SULT1B1: variants seen among roughly 807,000 people sequenced by gnomAD.
SULT1B1 encodes sulfotransferase family 1B member 1.
SULT1B1 carries 28 observed loss-of-function variants against 34.6 expected under a neutral mutation model. The observed-to-expected ratio is 0.81, with a 90% confidence interval of 0.60 to 1.11. SULT1B1 has a LOEUF of 1.11. Ranked by LOEUF, SULT1B1 falls within the 50% of genes least tolerant of loss-of-function variation. SULT1B1 has a pLI of 0.00. For synonymous variants in SULT1B1, 147 were observed against 110.2 expected (o/e 1.33, Z -2.09); for missense variants, 374 against 352.2 (o/e 1.06, Z -0.50).
At position 69,725,659 on chromosome 4, in the gene SULT1B1, G is replaced by A. The variant is rs939367043; in HGVS notation, c.*1429C>T. On this transcript the variant is annotated 3_prime_UTR_variant, in exon 8 of 8. Coordinates refer to ENST00000310613, the MANE Select transcript of SULT1B1 (RefSeq NM_014465.4). ...ATGATAGACTGGATTAAGAAAATGT[G>A]GCACATATACACCATAGAATACTGT... 1 of 151,982 alleles carries A rather than the reference G, an allele frequency of 6.6e-6. No homozygotes were observed. Among genetic ancestry groups the A allele is most frequent in the African/African-American group, 2.4e-5 (1 of 41,374 alleles). The allele number at this position is 151,982 out of a possible 1,614,324, so 9.4% of individuals were successfully genotyped here.
intron 1 of SULT1B1, chr4:69,758,443 C>A: frequency 1.0e-6 from 1 of 985,234 alleles, no homozygotes; most frequent in Non-Finnish European, 1.2e-6. Context: ...CTTTCTGAAA[C>A]ATTTTATTTT....
intron 4 of SULT1B1, among the ~76,000 whole-genome samples, chr4:69,738,175 G>T (rs144847815): frequency 3.1e-4 from 47 of 152,276 alleles, no homozygotes; most frequent in African/African-American, 9.4e-4. Context: ...CATCCATGTT[G>T]CTGCAGAAAA....
At chr4:69,728,050 T>C (rs547301165) in intron 7 of SULT1B1, among the ~76,000 whole-genome samples, 1 of 152,176 alleles carries the variant, frequency 6.6e-6, no homozygotes, top group Admixed American at 6.6e-5. Flanking sequence ...CTTTTTTCCC[T>C]AGTTGTTACA....
intron 3 of SULT1B1, 45 bp downstream of exon 3, chr4:69,754,625 C>G: frequency 6.3e-7 from 1 of 1,590,560 alleles, no homozygotes. Context: ...CATATGCTGT[C>G]TAAATAATAT....
chr4:69,729,289 A>G (rs115961381), intron 7 of SULT1B1, among the ~76,000 whole-genome samples: 1,787 of 152,146 alleles, frequency 0.012, 40 homozygotes, highest in African/African-American at 0.041. Flanking sequence ...GCAATAAAAA[A>G]TACAGTATTT....
rs139281451 is a variant in SULT1B1 at position 69,727,270 on chromosome 4, G to A, written c.779-70C>T. On this transcript the variant is annotated intron_variant, in intron 7 of 7. Transcript: ENST00000310613. ...TAAGAAGAAATCAGTATATACCAAA[G>A]GAAAAGATTAGAAGGCCTAAAGAAA... is the stretch of plus-strand genomic sequence containing the variant. The A allele has an allele frequency of 5.2e-4, 623 of 1,206,220 alleles. 7 individuals are homozygous for A. The African/African-American group carries it at 8.5e-3, about 16-fold the overall frequency. The allele number at this position is 1,206,220 out of a possible 1,614,324, so 74.7% of individuals were successfully genotyped here.
rs1560516076 is a variant in SULT1B1, at chr4:69,722,248, G to A, written c.*4840C>T. The A allele has an allele frequency of 6.6e-6, 1 of 152,046 alleles. No individual in the cohort carries two copies. The highest frequency in any genetic ancestry group is 1.5e-5 in the Non-Finnish European group (1 of 67,982). The allele number at this position is 152,046 out of a possible 1,614,324, so 9.4% of individuals were successfully genotyped here. A position where few individuals can be genotyped will look rare whatever the true frequency, so the allele number is the denominator to read the frequency against. On this transcript the variant is annotated 3_prime_UTR_variant, in exon 8 of 8. Coordinates refer to ENST00000310613, the MANE Select transcript of SULT1B1 (RefSeq NM_014465.4). Reference sequence around the variant, plus strand: ...TTTCGTTGAATACAGTCCAATTACAGAGAGTTATTTCTACAAAGTAAAACT... The same window carrying A: ...TTTCGTTGAATACAGTCCAATTACAAAGAGTTATTTCTACAAAGTAAAACT...
chr4:69,751,608 C>T (rs1418920912), intron 3 of SULT1B1, among the ~76,000 whole-genome samples: 2 of 152,184 alleles, frequency 1.3e-5, no homozygotes, highest in East Asian at 1.9e-4. Context: ...CCCGCCACCA[C>T]GCCCGGCTAA....
intron 6 of SULT1B1, 56 bp downstream of exon 6, chr4:69,733,357 C>A: frequency 1.5e-6 from 2 of 1,292,232 alleles, no homozygotes; most frequent in Non-Finnish European, 2.2e-6. Flanking sequence ...AATATCAACC[C>A]TTTTACAGCA....
At chr4:69,729,666 C>G (rs1231339754) in intron 7 of SULT1B1, among the ~76,000 whole-genome samples, 1 of 152,048 alleles carries the variant, frequency 6.6e-6, no homozygotes, top group Non-Finnish European at 1.5e-5. Flanking sequence ...AATCATATTA[C>G]TCAAAATTGG....
intron 5 of SULT1B1, among the ~76,000 whole-genome samples, chr4:69,733,752 C>T (rs1046739246): frequency 6.6e-6 from 1 of 152,068 alleles, no homozygotes; most frequent in African/African-American, 2.4e-5. Context: ...TATACTTAGT[C>T]TCATAAAGAA....
Position 69,722,546 on chromosome 4 carries a change from A to G in SULT1B1, c.*4542T>C, listed in dbSNP as rs996916041. 6.6e-6 allele frequency: 1 copy of G among 152,170 alleles called. No individual in the cohort carries two copies. The highest frequency in any genetic ancestry group is 2.4e-5 in the African/African-American group (1 of 41,440). The allele number at this position is 152,170 out of a possible 1,614,324, so 9.4% of individuals were successfully genotyped here. On this transcript the variant is annotated 3_prime_UTR_variant, in exon 8 of 8. Coordinates refer to ENST00000310613, the MANE Select transcript of SULT1B1 (RefSeq NM_014465.4). ...GATAGTCAAGATTAACTCCTATAAA[A>G]TATGTTTCTGTGGAACATAAACACA...
rs376144206 is a variant in SULT1B1 at position 69,752,918 on chromosome 4, C to T, written c.277+1752G>A. Among the ~76,000 whole-genome samples, 60 of 152,312 alleles carry T rather than the reference C, an allele frequency of 3.9e-4. No homozygotes were observed. The South Asian group carries it at 0.012, about 31-fold the overall frequency. ...ACAGAACACCATACTCTTGCATTCC[C>T]TGTTAGCTCATTTTTTTTCAGTTTC... On this transcript the variant is annotated intron_variant, in intron 3 of 7. Coordinates refer to ENST00000310613, the MANE Select transcript of SULT1B1 (RefSeq NM_014465.4).
In SULT1B1 at chr4:69,726,030, GTACATATATATATATATATATATATATA is replaced by G. The variant is rs1397680858; in HGVS notation, c.*1030_*1057del. 2 of 42,032 alleles carry G rather than the reference GTACATATATATATATATATATATATATA, an allele frequency of 4.8e-5. No homozygotes were observed. The highest frequency in any genetic ancestry group is 6.8e-4 in the Admixed American group (2 of 2,924). 2.6% of individuals were successfully genotyped at this position (42,032 alleles called of 1,614,324 possible). A position where few individuals can be genotyped will look rare whatever the true frequency, so the allele number is the denominator to read the frequency against. On this transcript the variant is annotated 3_prime_UTR_variant, in exon 8 of 8. Coordinates refer to ENST00000310613, the MANE Select transcript of SULT1B1 (RefSeq NM_014465.4). Reference sequence around the variant, plus strand: ...GGAACTTAAAGTATAATAATAAAATGTACATATATATATATATATATATATATATATATATATATATATATATATATAA... The same window carrying G: ...GGAACTTAAAGTATAATAATAAAATGTATATATATATATATATATATATAA...
At chr4:69,757,205 C>T (rs543710785) in intron 1 of SULT1B1, among the ~76,000 whole-genome samples, 14 of 151,960 alleles carry the variant, frequency 9.2e-5, no homozygotes, top group East Asian at 3.9e-4. Context: ...CCTTCATAAT[C>T]GATGTTCCAT....
chr4:69,734,344 T>TA, intron 4 of SULT1B1, 80 bp from the exon 5 acceptor site: 1 of 1,461,710 alleles, frequency 6.8e-7, no homozygotes, highest in Non-Finnish European at 9.2e-7. Flanking sequence ...TATACGCATG[T>TA]AAAAAAGCAG....
At chr4:69,747,684 A>G (rs904739844) in intron 4 of SULT1B1, among the ~76,000 whole-genome samples, 2 of 152,142 alleles carry the variant, frequency 1.3e-5, no homozygotes, top group African/African-American at 4.8e-5. Context: ...GTCTCTGCCA[A>G]TTCTCTGGGA....
At position 69,726,029 on chromosome 4, in the gene SULT1B1, T is replaced by C. The variant is rs1284969996; in HGVS notation, c.*1059A>G. ...TGGAACTTAAAGTATAATAATAAAATGTACATATATATATATATATATATA... is the reference window on the plus strand; with the variant it reads ...TGGAACTTAAAGTATAATAATAAAACGTACATATATATATATATATATATA... On this transcript the variant is annotated 3_prime_UTR_variant, in exon 8 of 8. Coordinates refer to ENST00000310613, the MANE Select transcript of SULT1B1 (RefSeq NM_014465.4). 1 of 77,362 alleles carries C rather than the reference T, an allele frequency of 1.3e-5. No homozygotes were observed. Among genetic ancestry groups the C allele is most frequent in the African/African-American group, 4.9e-5 (1 of 20,594 alleles). 4.8% of individuals were successfully genotyped at this position (77,362 alleles called of 1,614,324 possible). A position where few individuals can be genotyped will look rare whatever the true frequency, so the allele number is the denominator to read the frequency against.
intron 4 of SULT1B1, among the ~76,000 whole-genome samples, chr4:69,740,262 T>C (rs1472485240): frequency 1.3e-5 from 2 of 152,198 alleles, no homozygotes; most frequent in African/African-American, 4.8e-5. Flanking sequence ...ATGGATTATT[T>C]ATAAAGGAAA....
Sources: allele counts gnomAD v4.1 joint callset (sites outside exome capture counted in the v4.1 genomes callset), GRCh38; gene constraint gnomAD v4.1.1; transcripts MANE v1.5; gene names NCBI Gene and HGNC (gene_info 2026-07-23, HGNC 2026-07-21).